The following RPH3A variants were observed in gnomAD, a reference collection of about 807,000 sequenced individuals.
RPH3A encodes rabphilin-3A.
In RPH3A, 48 loss-of-function variants were observed where a neutral mutation model predicts 102.2. The observed-to-expected ratio is 0.47, with a 90% CI of 0.37 to 0.60. The LOEUF (loss-of-function observed/expected upper bound fraction) is 0.60. Ranked by LOEUF, RPH3A falls within the 20% of genes least tolerant of loss-of-function variation. The probability of loss-of-function intolerance (pLI) is 0.00; values close to 1 mark genes in which losing one functional copy is unlikely to be tolerated. For synonymous variants in RPH3A, 310 were observed against 324.3 expected (o/e 0.96, Z 0.47); for missense variants, 781 against 910.1 (o/e 0.86, Z 1.83).
At position 112,836,494 on chromosome 12, in the gene RPH3A, TA is replaced by T; in HGVS notation, c.78del (p.Glu27AsnfsTer24). On this transcript the variant is annotated frameshift_variant, in exon 4 of 22. Coordinates refer to ENST00000389385, the MANE Select transcript of RPH3A (RefSeq NM_001143854.2). LOFTEE classifies it high-confidence loss of function. The stretch of plus-strand genomic sequence containing the variant: ...TCCTTTCTCTGCCTTCCTTCAGTGA[TA>T]AAGAACAGTGAGTATTTTATAACAC... ...PSDRPLQSND[K>X]EQLQAGWSVH... is the part of the protein sequence containing the mutation. 7.5e-7 allele frequency: 1 copy of T among 1,333,206 alleles called. No individual in the cohort carries two copies. 82.6% of individuals were successfully genotyped at this position (1,333,206 alleles called of 1,614,324 possible).
chr12:112,729,142 CTT>C (rs879792776), intron 1 of RPH3A, among the ~76,000 whole-genome samples: 17 of 143,602 alleles, frequency 1.2e-4, no homozygotes, highest in Admixed American at 2.1e-4. Context: ...ACAAAGGGAA[CTT>C]TTTTTTTTTT....
intron 1 of RPH3A, among the ~76,000 whole-genome samples, chr12:112,626,936 A>G (rs1282697261): frequency 3.8e-5 from 3 of 78,880 alleles, no homozygotes; most frequent in African/African-American, 1.5e-4. Flanking sequence ...GGAAACCATC[A>G]TTCTCAGTAA....
At chr12:112,689,119 G>A (rs933687283) in intron 1 of RPH3A, among the ~76,000 whole-genome samples, 13 of 152,206 alleles carry the variant, frequency 8.5e-5, no homozygotes, top group Non-Finnish European at 2.9e-5. Context: ...TGACTCAGAT[G>A]AGAAGTTGCA....
intron 1 of RPH3A, among the ~76,000 whole-genome samples, chr12:112,648,754 A>AG (rs2039953071): frequency 2.5e-5 from 1 of 39,908 alleles, no homozygotes; most frequent in Non-Finnish European, 5.3e-5. Flanking sequence ...CAAAAAAAAA[A>AG]AAAAAAAAAA....
chr12:112,760,534 A>G (rs1257573074), intron 1 of RPH3A, among the ~76,000 whole-genome samples: 1 of 152,230 alleles, frequency 6.6e-6, no homozygotes, highest in Non-Finnish European at 1.5e-5. Flanking sequence ...AAGAAGATAT[A>G]CACTTGTGAA....
At chr12:112,736,876 C>T (rs143722010) in intron 1 of RPH3A, among the ~76,000 whole-genome samples, 309 of 152,178 alleles carry the variant, frequency 2.0e-3, no homozygotes, top group African/African-American at 5.7e-3. Context: ...TACTTCTGGC[C>T]GGGCACAGTG....
intron 5 of RPH3A, among the ~76,000 whole-genome samples, chr12:112,854,678 C>T (rs760804488): frequency 9.2e-5 from 14 of 152,206 alleles, no homozygotes; most frequent in Non-Finnish European, 1.5e-4. Flanking sequence ...TCATATATTT[C>T]GTTTAATCCT....
intron 1 of RPH3A, among the ~76,000 whole-genome samples, chr12:112,585,085 C>A (rs1011223462): frequency 2.0e-5 from 3 of 152,104 alleles, no homozygotes; most frequent in Non-Finnish European, 4.4e-5. Context: ...AACTTGGAGT[C>A]CGATGTTCGA....
At chr12:112,878,661 AG>A (rs1458519177) in intron 13 of RPH3A, among the ~76,000 whole-genome samples, 3 of 152,224 alleles carry the variant, frequency 2.0e-5, no homozygotes, top group Non-Finnish European at 1.5e-5. Context: ...TTCTCTGAGG[AG>A]GTGACATTTA....
intron 1 of RPH3A, among the ~76,000 whole-genome samples, chr12:112,593,807 C>T (rs556270578): frequency 8.5e-5 from 13 of 152,194 alleles, no homozygotes; most frequent in Non-Finnish European, 1.9e-4. Context: ...TAGAATGACT[C>T]CTACCCATCT....
At chr12:112,639,624 T>G (rs1246878994) in intron 1 of RPH3A, among the ~76,000 whole-genome samples, 1 of 152,108 alleles carries the variant, frequency 6.6e-6, no homozygotes, top group Non-Finnish European at 1.5e-5. Context: ...AACCTGCACA[T>G]GTACCCTGGA....
rs80284701 is a variant in RPH3A, at chr12:112,614,301, G to A, written c.-140+38982G>A. Among the ~76,000 whole-genome samples, 589 of 152,250 alleles carry A rather than the reference G, an allele frequency of 3.9e-3. 7 individuals are homozygous for A. Among genetic ancestry groups the A allele is most frequent in the African/African-American group, 0.014 (561 of 41,542 alleles). On this transcript the variant is annotated intron_variant, in intron 1 of 21. Coordinates refer to the RPH3A transcript ENST00000543106. ...TGGGGTAGTGAATAAATCTCCCTGAGCCTCAATTCCATCATCTGTGAAATG... is the reference window on the plus strand; with the variant it reads ...TGGGGTAGTGAATAAATCTCCCTGAACCTCAATTCCATCATCTGTGAAATG...
intron 19 of RPH3A, chr12:112,894,113 T>TCGGTGG: frequency 1.6e-4 from 27 of 173,186 alleles, no homozygotes; most frequent in South Asian, 3.1e-4. Flanking sequence ...GATTTGCATC[T>TCGGTGG]TCCCCTTTCT....
intron 1 of RPH3A, among the ~76,000 whole-genome samples, chr12:112,711,757 C>T (rs1445191115): frequency 6.6e-6 from 1 of 152,190 alleles, no homozygotes; most frequent in Admixed American, 6.5e-5. Context: ...ATAACCCATA[C>T]TGCTTGCTGG....
chr12:112,877,009 A>G, intron 13 of RPH3A, 143 bp downstream of exon 13: 2 of 515,366 alleles, frequency 3.9e-6, no homozygotes, highest in South Asian at 4.1e-5. Flanking sequence ...ACCAAGTGAT[A>G]GAAGTACAGA....
In RPH3A at chr12:112,876,711, A is replaced by T. The variant is rs765898338; in HGVS notation, c.1016A>T (p.Tyr339Phe). ...REERTGGVGG[Y>F]PAVGAREDRM... ...GAGAGAACAGGGGGAGTCGGGGGCT[A>T]CCCAGCAGTTGGAGCCAGAGAGGAC... is the stretch of plus-strand genomic sequence containing the variant. Residue 339 changes from tyrosine to phenylalanine, a missense_variant, in exon 13 of 22, where the codon TAC (tyrosine) becomes TTC (phenylalanine). Tyr to Phe is a conservative substitution (Grantham distance 22). Transcript: ENST00000389385. The T allele has an allele frequency of 6.2e-7, 1 of 1,613,234 alleles. No individual in the cohort carries two copies.
chr12:112,838,814 G>A (rs1007501380), intron 4 of RPH3A, among the ~76,000 whole-genome samples: 3 of 152,114 alleles, frequency 2.0e-5, no homozygotes, highest in Admixed American at 6.5e-5. Flanking sequence ...ATTTTGCCCT[G>A]TTTGTATTTC....
intron 1 of RPH3A, among the ~76,000 whole-genome samples, chr12:112,725,918 CA>C (rs1389518403): frequency 6.6e-6 from 1 of 151,936 alleles, no homozygotes; most frequent in African/African-American, 2.4e-5. Context: ...GCCTCAGCCT[CA>C]CGAGTAGCTG....
intron 1 of RPH3A, among the ~76,000 whole-genome samples, chr12:112,576,517 C>A (rs973838459): frequency 3.3e-5 from 5 of 152,018 alleles, no homozygotes; most frequent in Non-Finnish European, 7.4e-5. Context: ...CCTCACCCGG[C>A]CTTAATTTTT....
Sources: gnomAD v4.1 joint callset for allele counts (sites outside exome capture counted in the v4.1 genomes callset) on GRCh38, gnomAD v4.1.1 for gene constraint, MANE v1.5 for transcripts, NCBI Gene and HGNC (gene_info 2026-07-23, HGNC 2026-07-21) for gene names.